Variants in ABCC1 observed in about 807,000 individuals in gnomAD.
ABCC1 encodes multidrug resistance-associated protein 1.
Under a neutral mutation model 172.9 loss-of-function variants are expected in ABCC1, and 83 were observed. That is an observed-to-expected ratio of 0.48 (90% CI 0.40 to 0.58). The LOEUF is 0.58. ABCC1 is among the 20% of genes least tolerant of loss of function. The probability of loss-of-function intolerance (pLI) is 0.00; values close to 1 mark genes in which losing one functional copy is unlikely to be tolerated. For synonymous variants in ABCC1, 937 were observed against 825.2 expected, an observed-to-expected ratio of 1.14 and a Z score of -2.32; for missense variants, 1,817 against 2,002.7, an observed-to-expected ratio of 0.91 and a Z score of 1.77.
chr16:16,093,979 C>CT (rs578261751), intron 19 of ABCC1, among the ~76,000 whole-genome samples: 5,244 of 106,516 alleles, frequency 0.049, 177 homozygotes, highest in South Asian at 0.11. Context: ...TCCCTCTCTC[C>CT]TTTTTTTTTT....
At position 16,106,828 on chromosome 16, in the gene ABCC1, G is replaced by A; in HGVS notation, c.2826G>A (p.Glu942=). The A allele has an allele frequency of 1.9e-6, 3 of 1,614,182 alleles. No individual in the cohort carries two copies. The highest frequency in any genetic ancestry group is 2.5e-6 in the Non-Finnish European group (3 of 1,180,042). The change falls in exon 21 of 31, where the codon GAG becomes GAA. Residue 942 remains glutamate, a synonymous_variant. Transcript: ENST00000399410. ...AELQKAEAKK[E]ETWKLMEADK... ...TGCAGAAAGCTGAGGCCAAGAAGGAGGAGACCTGGAAGCTGATGGAGGCTG... is the reference window on the plus strand; with the variant it reads ...TGCAGAAAGCTGAGGCCAAGAAGGAAGAGACCTGGAAGCTGATGGAGGCTG...
intron 1 of ABCC1, among the ~76,000 whole-genome samples, chr16:15,953,983 T>G (rs899770142): frequency 6.7e-6 from 1 of 149,554 alleles, no homozygotes; most frequent in African/African-American, 2.5e-5. Flanking sequence ...TTCTCCTACT[T>G]CCTCTGTTTT....
At chr16:16,041,186 T>C (rs193537) in intron 7 of ABCC1, among the ~76,000 whole-genome samples, 60,921 of 150,684 alleles carry the variant, frequency 0.4, 14,018 homozygotes, top group African/African-American at 0.64. Flanking sequence ...CCTACCTTGG[T>C]CTCCCAAAGT....
chr16:16,080,155 G>A (rs45530339), intron 16 of ABCC1, among the ~76,000 whole-genome samples: 2,517 of 152,148 alleles, frequency 0.017, 79 homozygotes, highest in African/African-American at 0.057. Flanking sequence ...TCCCTGGTAC[G>A]CAGCCTGTGT....
intron 1 of ABCC1, among the ~76,000 whole-genome samples, chr16:15,964,848 A>G (rs1382304407): frequency 1.3e-5 from 2 of 152,174 alleles, no homozygotes. Context: ...AATTACAATT[A>G]GAAGCTATGT....
At chr16:16,005,211 G>A (rs949924473) in intron 1 of ABCC1, among the ~76,000 whole-genome samples, 1 of 151,928 alleles carries the variant, frequency 6.6e-6, no homozygotes, top group Non-Finnish European at 1.5e-5. Flanking sequence ...CCAGTAGGAT[G>A]GGAAGGCTGT....
At chr16:16,081,584 T>C (rs1429911479) in intron 16 of ABCC1, among the ~76,000 whole-genome samples, 1 of 152,220 alleles carries the variant, frequency 6.6e-6, no homozygotes, top group Non-Finnish European at 1.5e-5. Flanking sequence ...GTGGGTTCTA[T>C]GGTAAGGCAC....
At chr16:16,007,785 G>A (rs201327437) in intron 1 of ABCC1, 31 bp from the exon 2 acceptor site, 1 of 1,589,066 alleles carries the variant, frequency 6.3e-7, no homozygotes, top group Admixed American at 1.7e-5. Flanking sequence ...GGTGTGTCCT[G>A]CTGACCCCTC....
At chr16:16,069,193 TAA>T (rs2050235793) in intron 13 of ABCC1, among the ~76,000 whole-genome samples, 36 of 145,020 alleles carry the variant, frequency 2.5e-4, no homozygotes, top group African/African-American at 7.6e-4. Flanking sequence ...AATAAATAAA[TAA>T]ATAAATAAAT....
chr16:15,988,853 G>A (rs531887151), intron 1 of ABCC1, among the ~76,000 whole-genome samples: 106 of 152,066 alleles, frequency 7.0e-4, no homozygotes, highest in African/African-American at 2.5e-3. Flanking sequence ...GATCATTTGA[G>A]CCCCAGGAGT....
At chr16:16,010,037 CTTTTTT>C (rs71388789) in intron 3 of ABCC1, 136 bp downstream of exon 3, 281 of 108,038 alleles carry the variant, frequency 2.6e-3, no homozygotes, top group East Asian at 0.012. Context: ...TAAATGTAGC[CTTTTTT>C]TTTTTTTTTT....
chr16:16,073,288 C>T (rs1002984111), intron 14 of ABCC1, among the ~76,000 whole-genome samples: 5 of 152,168 alleles, frequency 3.3e-5, no homozygotes, highest in African/African-American at 1.2e-4. Flanking sequence ...TTCACACCCA[C>T]AGCCCATCGG....
chr16:16,119,549 G>A (rs964845717), intron 23 of ABCC1, among the ~76,000 whole-genome samples: 1 of 152,088 alleles, frequency 6.6e-6, no homozygotes, highest in African/African-American at 2.4e-5. Flanking sequence ...AAATTAGCCA[G>A]GCACGGTGGT....
Position 16,122,034 on chromosome 16 carries a change from G to C in ABCC1, c.3450G>C (p.Pro1150=). ...GCCTCGAGTCGGTCAGCCGCTCCCC[G>C]GTCTATTCCCATTTCAACGAGACCT... ...LKRLESVSRS[P]VYSHFNETLL... is the part of the protein sequence containing the mutation. The change falls in exon 24 of 31, where the codon CCG becomes CCC. Residue 1150 remains proline (P), a synonymous_variant. Transcript: ENST00000399410. The C allele has an allele frequency of 6.2e-7, 1 of 1,614,134 alleles. No homozygotes were observed. Among genetic ancestry groups the C allele is most frequent in the African/African-American group, 1.3e-5 (1 of 75,018 alleles).
intron 5 of ABCC1, among the ~76,000 whole-genome samples, chr16:16,023,688 CT>C (rs1181406639): frequency 6.6e-6 from 1 of 152,090 alleles, no homozygotes; most frequent in African/African-American, 2.4e-5. Flanking sequence ...AGTGGGGGCT[CT>C]GAGGGAGGGA....
Position 16,114,826 on chromosome 16 carries a change from G to GTCTGCAC in ABCC1, c.3141_3147dup (p.Val1050SerfsTer18), listed in dbSNP as rs2044780261. The GTCTGCAC allele has an allele frequency of 6.2e-7, 1 of 1,610,814 alleles. No homozygotes were observed. The highest frequency in any genetic ancestry group is 8.5e-7 in the Non-Finnish European group (1 of 1,177,232). ...ATCGGGGGGATCTTGGCTTCCCGCT[G>GTCTGCAC]TCTGCACGTGGACCTGCTGCACAGC... is the stretch of plus-strand genomic sequence containing the variant. On this transcript the variant is annotated frameshift_variant, in exon 23 of 31. Coordinates refer to ENST00000399410, the MANE Select transcript of ABCC1 (RefSeq NM_004996.4). LOFTEE classifies it high-confidence loss of function.
chr16:16,096,538 G>T (rs951858086), intron 19 of ABCC1, among the ~76,000 whole-genome samples: 6 of 152,190 alleles, frequency 3.9e-5, no homozygotes, highest in Non-Finnish European at 8.8e-5. Flanking sequence ...TCAGAGGCCG[G>T]ATTTCTTCCT....
At chr16:16,095,506 G>C (rs575925920) in intron 19 of ABCC1, among the ~76,000 whole-genome samples, 1 of 152,294 alleles carries the variant, frequency 6.6e-6, no homozygotes, top group Admixed American at 6.5e-5. Context: ...CACTCAAGAC[G>C]AATTCCCCCT....
At chr16:15,997,248 G>A (rs965970652) in intron 1 of ABCC1, among the ~76,000 whole-genome samples, 2 of 152,084 alleles carry the variant, frequency 1.3e-5, no homozygotes, top group Non-Finnish European at 2.9e-5. Flanking sequence ...GTGCCACCAC[G>A]CCTGGTGAAT....
Sources: gnomAD v4.1 joint callset for allele counts (sites outside exome capture counted in the v4.1 genomes callset) on GRCh38, gnomAD v4.1.1 for gene constraint, MANE v1.5 for transcripts, NCBI Gene and HGNC (gene_info 2026-07-23, HGNC 2026-07-21) for gene names.